The following ARID4A variants were observed in gnomAD, a reference collection of about 807,000 sequenced individuals.
ARID4A encodes the protein AT-rich interaction domain 4A.
In ARID4A, 39 loss-of-function variants were observed where a neutral mutation model predicts 148.6. That is an observed-to-expected ratio of 0.26 (90% confidence interval 0.20 to 0.34). The LOEUF is 0.34. Among genes scored for constraint, ARID4A ranks in the 10% least tolerant of loss-of-function variants. ARID4A has a pLI of 1.00. For missense variants in ARID4A, 1,265 were observed against 1,449.1 expected (o/e 0.87, Z 2.06); for synonymous variants, 475 against 481.2 (o/e 0.99, Z 0.17).
At chr14:58,353,922 G>A in intron 17 of ARID4A, 67 bp downstream of exon 17, 3 of 1,358,504 alleles carry the variant, frequency 2.2e-6, no homozygotes, top group Non-Finnish European at 3.1e-6. Context: ...TCAACTTAAT[G>A]TTATGAAGAG....
At chr14:58,328,982 A>G (rs930419930) in intron 9 of ARID4A, among the ~76,000 whole-genome samples, 2 of 100,648 alleles carry the variant, frequency 2.0e-5, no homozygotes, top group African/African-American at 8.8e-5. Context: ...ACAGAGTGAG[A>G]CTCTGTCTCA....
rs186636757 is a variant in ARID4A at position 58,320,377 on chromosome 14, A to C, written c.449+1572A>C. On this transcript the variant is annotated intron_variant, in intron 7 of 23. Transcript: ENST00000355431. ...GATGTTCTTACATAACCAAAGTATG[A>C]ATACCAAATTTAGAAAATTTAACGC... Among the ~76,000 whole-genome samples, 4 of 152,314 alleles carry C rather than the reference A, an allele frequency of 2.6e-5. No individual in the cohort carries two copies. The East Asian group carries it at 5.8e-4, about 22-fold the overall frequency.
chr14:58,318,850 A>G (rs2032649554), intron 7 of ARID4A, 45 bp downstream of exon 7: 1 of 1,480,882 alleles, frequency 6.8e-7, no homozygotes, highest in Non-Finnish European at 9.4e-7. Context: ...CAATTATTAT[A>G]ACCTTAAACA....
In ARID4A at chr14:58,333,139, T is replaced by C. The variant is rs573607709; in HGVS notation, c.906+2970T>C. Among the ~76,000 whole-genome samples, 146 of 152,194 alleles carry C rather than the reference T, an allele frequency of 9.6e-4. 2 individuals are homozygous for C. The South Asian group carries it at 0.021, about 22-fold the overall frequency. ...CATGCTGTTACTGTGTGGGAAAAGA[T>C]TGAGGATCTGACAGAAAGTAGGTTT... On this transcript the variant is annotated intron_variant, in intron 11 of 23. Coordinates refer to ENST00000355431, the MANE Select transcript of ARID4A (RefSeq NM_002892.4).
At chr14:58,325,219 A>C (rs915349865) in intron 8 of ARID4A, among the ~76,000 whole-genome samples, 1 of 152,094 alleles carries the variant, frequency 6.6e-6, no homozygotes, top group Non-Finnish European at 1.5e-5. Flanking sequence ...CCTCTTAAAT[A>C]TCTCTTAAAG....
At chr14:58,351,382 T>G in intron 16 of ARID4A, 59 bp downstream of exon 16, 1 of 1,542,852 alleles carries the variant, frequency 6.5e-7, no homozygotes, top group Non-Finnish European at 8.7e-7. Context: ...CAGCGCTTTG[T>G]TCCTGCTTAG....
chr14:58,322,463 A>T (rs1272147918), intron 7 of ARID4A, among the ~76,000 whole-genome samples: 2 of 152,192 alleles, frequency 1.3e-5, no homozygotes, highest in African/African-American at 4.8e-5. Context: ...AAGATGTGTC[A>T]AAAGGAAATA....
Position 58,372,115 on chromosome 14 carries a change from G to C in ARID4A, c.*126G>C. ...TAAGTATATCCTGTATACTTTTCCA[G>C]GCTGGATTGTATCTATTCCCCTCTC... On this transcript the variant is annotated 3_prime_UTR_variant, in exon 24 of 24. Transcript: ENST00000355431. The C allele has an allele frequency of 1.5e-6, 1 of 660,282 alleles. No individual in the cohort carries two copies. The highest frequency in any genetic ancestry group is 2.6e-6 in the Non-Finnish European group (1 of 381,760). The allele number at this position is 660,282 out of a possible 1,614,324, so 40.9% of individuals were successfully genotyped here. A position where few individuals can be genotyped will look rare whatever the true frequency, so the allele number is the denominator to read the frequency against.
chr14:58,348,829 TTTAA>T (rs894531468), intron 15 of ARID4A, among the ~76,000 whole-genome samples: 11 of 152,104 alleles, frequency 7.2e-5, no homozygotes, highest in African/African-American at 2.7e-4. Flanking sequence ...ATTGTTTTTT[TTTAA>T]TTTTTTTTAA....
chr14:58,305,357 A>G (rs1358985121), intron 4 of ARID4A, among the ~76,000 whole-genome samples: 7 of 152,040 alleles, frequency 4.6e-5, no homozygotes, highest in Non-Finnish European at 1.0e-4. Context: ...ATAACCATCA[A>G]TCTTTGGTTG....
chr14:58,365,055 T>C lies in ARID4A; in HGVS notation c.2966T>C (p.Val989Ala), dbSNP rs1396713863. The C allele has an allele frequency of 6.2e-7, 1 of 1,614,186 alleles. No homozygotes were observed. The highest frequency in any genetic ancestry group is 1.3e-5 in the African/African-American group (1 of 75,062). Residue 989 changes from valine (V) to alanine (A), a missense_variant, in exon 20 of 24, where the codon GTT becomes GCT. Physicochemically the swap from Val to Ala is moderately conservative, Grantham distance 64. Coordinates refer to ENST00000355431, the MANE Select transcript of ARID4A (RefSeq NM_002892.4). ...GAAAGCTCTGAGTCTAACTCTCTTG[T>C]TTCTATTCCACCTGCCCTACCTCCT... ...AVESSESNSL[V>A]SIPPALPPVV...
chr14:58,306,028 G>A lies in ARID4A; in HGVS notation c.190G>A (p.Ala64Thr). 6.2e-7 allele frequency: 1 copy of A among 1,613,154 alleles called. No individual in the cohort carries two copies. Among genetic ancestry groups the A allele is most frequent in the Non-Finnish European group, 8.5e-7 (1 of 1,179,364 alleles). ...TTGGGATTTCACATTTTAGGTTGGAGCTATTGTTGAAACAAGGACATCTGA... is the reference window on the plus strand; with the variant it reads ...TTGGGATTTCACATTTTAGGTTGGAACTATTGTTGAAACAAGGACATCTGA... ...DQVKGPLRVG[A>T]IVETRTSDGS... Residue 64 changes from alanine (A) to threonine (T), a missense_variant, in exon 5 of 24, where the codon GCT becomes ACT. This residue lies in a region of ARID4A where 59 missense variants were observed against 49.8 expected (regional missense o/e 1.18). Transcript: ENST00000355431.
At position 58,301,628 on chromosome 14, in the gene ARID4A, A is replaced by C. The variant is rs1179255233; in HGVS notation, c.55A>C (p.Lys19Gln). The change falls in exon 3 of 24, where the codon AAG becomes CAG. Residue 19 changes from lysine to glutamine, a missense_variant. Lys to Gln is a moderately conservative substitution (Grantham distance 53). Around this residue, in one of 9 missense-constraint regions of ARID4A, gnomAD observed 22 missense variants for 43.8 expected, o/e 0.50. Transcript: ENST00000355431. ...GACAGTGGGAACCGATGTCAGTGCC[A>C]AGTACCGAGGTGCCTTCTGTGAGGC... ...YLTVGTDVSA[K>Q]YRGAFCEAKI... 1 of 1,614,104 alleles carries C rather than the reference A, an allele frequency of 6.2e-7. No homozygotes were observed. Among genetic ancestry groups the C allele is most frequent in the Non-Finnish European group, 8.5e-7 (1 of 1,179,992 alleles).
At chr14:58,332,739 C>T (rs1345509859) in intron 11 of ARID4A, among the ~76,000 whole-genome samples, 1 of 152,120 alleles carries the variant, frequency 6.6e-6, no homozygotes, top group African/African-American at 2.4e-5. Context: ...TGTTTTATTA[C>T]ATTACAGATC....
rs74944621 is a variant in ARID4A, at chr14:58,317,971, T to TAAA, written c.275-560_275-558dup. 3.1e-3 allele frequency among the ~76,000 whole-genome samples: 437 copies of TAAA among 142,734 alleles called. 3 individuals carry two copies. Among genetic ancestry groups the TAAA allele is most frequent in the African/African-American group, 0.011 (418 of 39,154 alleles). 93.6% of individuals were successfully genotyped at this position (142,734 alleles called of 152,430 possible). On this transcript the variant is annotated intron_variant, in intron 5 of 23. Coordinates refer to ENST00000355431, the MANE Select transcript of ARID4A (RefSeq NM_002892.4). ...TAAAATAGCAAAATCCTGTCTTTAT[T>TAAA]AAAAAAAAAAAAAGTTTTTTTAAAC...
chr14:58,328,891 G>A (rs957488719), intron 9 of ARID4A, among the ~76,000 whole-genome samples: 1 of 151,718 alleles, frequency 6.6e-6, no homozygotes, highest in African/African-American at 2.4e-5. Context: ...TTCTCGGGAG[G>A]CTGAGGCAAA....
At position 58,365,405 on chromosome 14, in the gene ARID4A, CTCT is replaced by C; in HGVS notation, c.3212-108_3212-106del. 5.0e-6 allele frequency: 7 copies of C among 1,403,294 alleles called. No homozygotes were observed. In the South Asian group the frequency reaches 8.7e-5, roughly 17 times the overall value. 86.9% of individuals were successfully genotyped at this position (1,403,294 alleles called of 1,614,324 possible). On this transcript the variant is annotated intron_variant, in intron 20 of 23. Coordinates refer to ENST00000355431, the MANE Select transcript of ARID4A (RefSeq NM_002892.4). Reference sequence around the variant, plus strand: ...GTAAAGTACTTTCTTTTTCTTTTCTCTCTTCTTTTCTTATTAAAAAGAAAGAAA... The same window carrying C: ...GTAAAGTACTTTCTTTTTCTTTTCTCTCTTTTCTTATTAAAAAGAAAGAAA...
chr14:58,303,528 T>C (rs1307714737), intron 3 of ARID4A: 1 of 470,818 alleles, frequency 2.1e-6, no homozygotes, highest in Non-Finnish European at 4.4e-6. Context: ...ATCTGATGTT[T>C]TCCTACCAGA....
chr14:58,361,243 A>ATTT, intron 19 of ARID4A: 4 of 349,104 alleles, frequency 1.1e-5, no homozygotes, highest in South Asian at 1.2e-4. Context: ...TTGGTTTTTG[A>ATTT]TTTTTTTTTT....
Sources: gnomAD v4.1 joint callset for allele counts (sites outside exome capture counted in the v4.1 genomes callset) on GRCh38, gnomAD v4.1.1 for gene constraint, gnomAD v4.1.1 regional missense constraint, MANE v1.5 for transcripts, NCBI Gene and HGNC (gene_info 2026-07-23, HGNC 2026-07-21) for gene names.